Variants in CUEDC1 observed in about 807,000 individuals in gnomAD.
CUEDC1 encodes the protein CUE domain-containing protein 1.
CUEDC1 carries 30 observed loss-of-function variants against 43.7 expected under a neutral mutation model. That is an observed-to-expected ratio of 0.69 (90% confidence interval 0.51 to 0.93). The LOEUF (loss-of-function observed/expected upper bound fraction) is 0.93, where lower values mean the gene tolerates loss of function less well. CUEDC1 is among the 40% of genes least tolerant of loss of function. CUEDC1 has a pLI of 0.00. For missense variants in CUEDC1, 486 were observed against 549.0 expected, an observed-to-expected ratio of 0.89 and a Z score of 1.15; for synonymous variants, 223 against 223.6, an observed-to-expected ratio of 1.00 and a Z score of 0.02.
At chr17:57,899,916 G>A (rs1230425766) in intron 1 of CUEDC1, among the ~76,000 whole-genome samples, 1 of 151,966 alleles carries the variant, frequency 6.6e-6, no homozygotes, top group Admixed American at 6.5e-5. Context: ...GCTGATAGCA[G>A]GGCCAGATGA....
At chr17:57,873,508 A>G in intron 4 of CUEDC1, 83 bp downstream of exon 4, 3 of 1,438,512 alleles carry the variant, frequency 2.1e-6, no homozygotes, top group Non-Finnish European at 1.9e-6. Context: ...TCAGGAAGTA[A>G]AACTGGCTGG....
chr17:57,897,061 G>A (rs1020692216), intron 1 of CUEDC1, among the ~76,000 whole-genome samples: 6 of 151,938 alleles, frequency 3.9e-5, no homozygotes, highest in Admixed American at 1.3e-4. Flanking sequence ...ATGAGCCACC[G>A]CGCCTGGCCA....
rs1188850504 is a variant in CUEDC1, at chr17:57,955,388, C to A, written c.-479G>T. On this transcript the variant is annotated 5_prime_UTR_variant, in exon 1 of 11. Transcript: ENST00000577830. The surrounding 1 kb of genome is among the most constrained non-coding windows in gnomAD (Gnocchi z 5.3). ...GGAGAAAGTGAGGCGAGGCCGGCTTCCTAGCGGCGGGCGGCGAGAAATGCA... is the reference window on the plus strand; with the variant it reads ...GGAGAAAGTGAGGCGAGGCCGGCTTACTAGCGGCGGGCGGCGAGAAATGCA... 1 of 149,422 alleles carries A rather than the reference C, an allele frequency of 6.7e-6. No homozygotes were observed. Among genetic ancestry groups the A allele is most frequent in the East Asian group, 2.0e-4 (1 of 5,030 alleles). 9.3% of individuals were successfully genotyped at this position (149,422 alleles called of 1,614,324 possible). A position where few individuals can be genotyped will look rare whatever the true frequency, so the allele number is the denominator to read the frequency against.
rs145950998 is a variant in CUEDC1 at position 57,894,706 on chromosome 17, CCTTTT to C, written c.-315-8832_-315-8828del. Reference sequence around the variant, plus strand: ...AAGAAAAAATACGATTCAAAAAAGACCTTTTCTTTTCTAATTTTTCTCTCTCCTGC... The same window carrying C: ...AAGAAAAAATACGATTCAAAAAAGACCTTTTCTAATTTTTCTCTCTCCTGC... On this transcript the variant is annotated intron_variant, in intron 1 of 10. Coordinates refer to ENST00000577830, the MANE Select transcript of CUEDC1 (RefSeq NM_001271875.2). Among the ~76,000 whole-genome samples, 960 of 152,276 alleles carry C rather than the reference CCTTTT, an allele frequency of 6.3e-3. 8 individuals are homozygous for C. The highest frequency in any genetic ancestry group is 0.022 in the African/African-American group (919 of 41,550).
At chr17:57,943,977 T>C (rs1448568682) in intron 1 of CUEDC1, among the ~76,000 whole-genome samples, 1 of 152,158 alleles carries the variant, frequency 6.6e-6, no homozygotes, top group Non-Finnish European at 1.5e-5. Flanking sequence ...CTCAGCCTCC[T>C]GGCTTTGGAG....
At chr17:57,900,787 C>T (rs917441181) in intron 1 of CUEDC1, among the ~76,000 whole-genome samples, 2 of 152,224 alleles carry the variant, frequency 1.3e-5, no homozygotes. Context: ...TGGGTTTAAT[C>T]CCTCATGCTC....
At chr17:57,947,164 AG>A in intron 1 of CUEDC1, among the ~76,000 whole-genome samples, 1 of 150,990 alleles carries the variant, frequency 6.6e-6, no homozygotes, top group Non-Finnish European at 1.5e-5. Context: ...AAAAAAAAAA[AG>A]CTTTGCAGTG....
In CUEDC1 at chr17:57,872,827, C is replaced by A; in HGVS notation, c.620G>T (p.Ser207Ile). Reference sequence around the variant, plus strand: ...CATGGCAGGTGGACATCCCTCTCCACTCCCAGGCTTGGGGCCCCCAGCGTT... The same window carrying A: ...CATGGCAGGTGGACATCCCTCTCCAATCCCAGGCTTGGGGCCCCCAGCGTT... ...QGNAGGPKPG[S>I]GEGCPPAMAG... Residue 207 changes from serine (S) to isoleucine (I), a missense_variant, in exon 5 of 11, where the codon AGT becomes ATT. Physicochemically the swap from Ser to Ile is moderately radical, Grantham distance 142. Coordinates refer to ENST00000577830, the MANE Select transcript of CUEDC1 (RefSeq NM_001271875.2). The A allele has an allele frequency of 6.2e-7, 1 of 1,613,802 alleles. No homozygotes were observed. The highest frequency in any genetic ancestry group is 1.1e-5 in the South Asian group (1 of 91,050).
At chr17:57,946,028 T>C (rs1339217957) in intron 1 of CUEDC1, among the ~76,000 whole-genome samples, 1 of 151,914 alleles carries the variant, frequency 6.6e-6, no homozygotes, top group Non-Finnish European at 1.5e-5. Context: ...CAAAAAACCA[T>C]TTGGTAATAT....
intron 2 of CUEDC1, among the ~76,000 whole-genome samples, 161 bp downstream of exon 2, chr17:57,885,068 A>C (rs1205588375): frequency 6.6e-6 from 1 of 152,196 alleles, no homozygotes; most frequent in Non-Finnish European, 1.5e-5. Flanking sequence ...ACTTTTCCCT[A>C]GGGGAAGTAA....
intron 1 of CUEDC1, among the ~76,000 whole-genome samples, chr17:57,909,270 C>T (rs1225424457): frequency 6.6e-6 from 1 of 152,128 alleles, no homozygotes; most frequent in East Asian, 1.9e-4. Flanking sequence ...GCTGGGATTA[C>T]AGGCATGAGC....
At chr17:57,866,232 C>A (rs2073955286) in intron 10 of CUEDC1, among the ~76,000 whole-genome samples, 1 of 152,206 alleles carries the variant, frequency 6.6e-6, no homozygotes, top group African/African-American at 2.4e-5. Context: ...CTGTTCTCAG[C>A]ATCTGTCATA....
chr17:57,922,102 G>T (rs1315975537), intron 1 of CUEDC1, among the ~76,000 whole-genome samples: 2 of 152,172 alleles, frequency 1.3e-5, no homozygotes, highest in African/African-American at 4.8e-5. Context: ...AATAGAGACA[G>T]ACTCTGTCTC....
At chr17:57,907,281 T>C (rs141861634) in intron 1 of CUEDC1, among the ~76,000 whole-genome samples, 205 of 152,268 alleles carry the variant, frequency 1.3e-3, no homozygotes, top group African/African-American at 4.7e-3. Flanking sequence ...AAGGCTAGTG[T>C]GCTGGAAAAC....
At chr17:57,938,410 C>T (rs1202935360) in intron 1 of CUEDC1, among the ~76,000 whole-genome samples, 1 of 152,162 alleles carries the variant, frequency 6.6e-6, no homozygotes, top group African/African-American at 2.4e-5. Context: ...ACAAACAGCT[C>T]GCCTGCCTCC....
At position 57,871,458 on chromosome 17, in the gene CUEDC1, GC is replaced by G. The variant is rs1424965696; in HGVS notation, c.785-90del. On this transcript the variant is annotated intron_variant, in intron 5 of 10. Coordinates refer to ENST00000577830, the MANE Select transcript of CUEDC1 (RefSeq NM_001271875.2). ...GCTGGGACACGGTAGTTTGCTAGAGGCTAAGTCCCCAGAATCACACATGAGC... is the reference window on the plus strand; with the variant it reads ...GCTGGGACACGGTAGTTTGCTAGAGGTAAGTCCCCAGAATCACACATGAGC... 13 of 1,047,728 alleles carry G rather than the reference GC, an allele frequency of 1.2e-5. No individual in the cohort carries two copies. In the African/African-American group the frequency reaches 1.2e-4, roughly 10 times the overall value. 64.9% of individuals were successfully genotyped at this position (1,047,728 alleles called of 1,614,324 possible). A position where few individuals can be genotyped will look rare whatever the true frequency, so the allele number is the denominator to read the frequency against.
chr17:57,919,265 C>T (rs536573945), intron 1 of CUEDC1, among the ~76,000 whole-genome samples: 9 of 152,190 alleles, frequency 5.9e-5, no homozygotes, highest in Non-Finnish European at 7.4e-5. Context: ...CTGCAACCTC[C>T]GCCTCCCGGG....
intron 1 of CUEDC1, among the ~76,000 whole-genome samples, chr17:57,892,011 C>G (rs1401357448): frequency 6.6e-6 from 1 of 152,152 alleles, no homozygotes; most frequent in Non-Finnish European, 1.5e-5. Context: ...CTGGCATGGT[C>G]AATAGACATT....
intron 1 of CUEDC1, among the ~76,000 whole-genome samples, chr17:57,889,040 G>T (rs921378018): frequency 1.3e-5 from 2 of 152,160 alleles, no homozygotes; most frequent in South Asian, 4.1e-4. Context: ...CAGAAGCCTT[G>T]CACTCTTGCC....
Sources: gnomAD v4.1 joint callset for allele counts (sites outside exome capture counted in the v4.1 genomes callset) on GRCh38, gnomAD v4.1.1 for gene constraint, Gnocchi (gnomAD v3.1) non-coding constraint, MANE v1.5 for transcripts, NCBI Gene and HGNC (gene_info 2026-07-23, HGNC 2026-07-21) for gene names.